Variants in TSHR observed in about 807,000 individuals in gnomAD.
TSHR encodes thyrotropin receptor.
A neutral mutation model predicts 64.1 loss-of-function variants in TSHR; 51 were observed. The observed-to-expected ratio is 0.80, with a 90% CI of 0.64 to 1.01. The LOEUF (loss-of-function observed/expected upper bound fraction) is 1.01, where lower values mean the gene tolerates loss of function less well. Among genes scored for constraint, TSHR ranks in the 50% least tolerant of loss-of-function variants. TSHR has a pLI of 0.00. For missense variants in TSHR, 877 were observed against 942.8 expected (o/e 0.93, Z 0.91); for synonymous variants, 361 against 361.9 (o/e 1.00, Z 0.03).
chr14:81,055,251 G>A (rs1427874081), intron 1 of TSHR, among the ~76,000 whole-genome samples: 1 of 152,162 alleles, frequency 6.6e-6, no homozygotes, highest in Non-Finnish European at 1.5e-5. Flanking sequence ...ATTGAGGTTT[G>A]GGAACCTCCT....
In TSHR at chr14:80,967,283, A is replaced by T. The variant is rs1034991859; in HGVS notation, c.170+11433A>T. ...CACACACAAGCAAGACCTGACTTACATTTTTTTTTTTTTTTTTTTTGAGAC... is the reference window on the plus strand; with the variant it reads ...CACACACAAGCAAGACCTGACTTACTTTTTTTTTTTTTTTTTTTTTGAGAC... On this transcript the variant is annotated intron_variant, in intron 1 of 9. Transcript: ENST00000298171. 3.7e-4 allele frequency among the ~76,000 whole-genome samples: 41 copies of T among 111,882 alleles called. 1 individual carries two copies. Among genetic ancestry groups the T allele is most frequent in the African/African-American group, 1.2e-3 (39 of 31,942 alleles). 73.4% of individuals were successfully genotyped at this position (111,882 alleles called of 152,430 possible).
At chr14:81,004,370 T>G (rs190153697) in intron 1 of TSHR, among the ~76,000 whole-genome samples, 1 of 152,210 alleles carries the variant, frequency 6.6e-6, no homozygotes, top group South Asian at 2.1e-4. Flanking sequence ...TTCTTAGACA[T>G]GTACTATACA....
At chr14:81,092,717 T>G in intron 6 of TSHR, 109 bp downstream of exon 6, 3 of 980,300 alleles carry the variant, frequency 3.1e-6, no homozygotes, top group Non-Finnish European at 4.9e-6. Flanking sequence ...ATATACTCTA[T>G]AGAGTACAAA....
At chr14:81,133,241 A>T (rs1891322834) in intron 8 of TSHR, among the ~76,000 whole-genome samples, 1 of 152,202 alleles carries the variant, frequency 6.6e-6, no homozygotes, top group Non-Finnish European at 1.5e-5. Flanking sequence ...CTATTTATAC[A>T]TCCACAAGAA....
chr14:80,993,796 A>C (rs1003377308), intron 1 of TSHR: 2 of 152,000 alleles, frequency 1.3e-5, no homozygotes, highest in Admixed American at 6.6e-5. Context: ...TCTACATATC[A>C]ATCTTAATTT....
chr14:81,136,736 C>T (rs921302100), intron 8 of TSHR, among the ~76,000 whole-genome samples: 8 of 152,234 alleles, frequency 5.3e-5, no homozygotes, highest in African/African-American at 1.4e-4. Context: ...CAAGCACCCA[C>T]ATTTCCCAAC....
chr14:81,106,532 A>T (rs35846162), intron 7 of TSHR, among the ~76,000 whole-genome samples: 41 of 152,368 alleles, frequency 2.7e-4, no homozygotes, highest in African/African-American at 9.1e-4. Flanking sequence ...AATAAAGTAA[A>T]CAAATAAATA....
chr14:81,053,635 A>G (rs1018119063), intron 1 of TSHR: 1 of 152,196 alleles, frequency 6.6e-6, no homozygotes, highest in African/African-American at 2.4e-5. Flanking sequence ...ACATGTTACA[A>G]TCACTTTGGA....
At chr14:81,078,117 C>T (rs555164137) in intron 3 of TSHR, among the ~76,000 whole-genome samples, 2 of 151,432 alleles carry the variant, frequency 1.3e-5, no homozygotes, top group Admixed American at 6.6e-5. Context: ...CATTTATATA[C>T]GTTCAACATA....
intron 1 of TSHR, among the ~76,000 whole-genome samples, chr14:80,998,559 T>G: frequency 6.6e-6 from 1 of 151,900 alleles, no homozygotes; most frequent in Non-Finnish European, 1.5e-5. Flanking sequence ...CTAGAGAATT[T>G]TAAATGATTT....
intron 1 of TSHR, among the ~76,000 whole-genome samples, chr14:81,055,409 C>G (rs375101626): frequency 2.0e-5 from 3 of 152,334 alleles, no homozygotes; most frequent in South Asian, 2.1e-4. Context: ...CACTGAGGTA[C>G]TGCCTAGTGG....
chr14:81,036,457 G>T (rs1338172826), intron 1 of TSHR, among the ~76,000 whole-genome samples: 3 of 152,116 alleles, frequency 2.0e-5, no homozygotes, highest in Admixed American at 1.3e-4. Flanking sequence ...GAGGTGAGGT[G>T]GGGGTGCGGG....
chr14:81,083,219 G>A (rs527871131), intron 3 of TSHR, among the ~76,000 whole-genome samples: 1 of 152,150 alleles, frequency 6.6e-6, no homozygotes, highest in East Asian at 1.9e-4. Flanking sequence ...CCTGTGCTAC[G>A]CTTTTATTGA....
chr14:80,982,580 G>A lies in TSHR; in HGVS notation c.170+26730G>A, dbSNP rs113950370. Reference sequence around the variant, plus strand: ...CCTCAATCTGTGAGTAGGATAGTTAGATCTCAGCCTGTGGATGAAATTAAT... The same window carrying A: ...CCTCAATCTGTGAGTAGGATAGTTAAATCTCAGCCTGTGGATGAAATTAAT... On this transcript the variant is annotated intron_variant, in intron 1 of 9. Coordinates refer to ENST00000298171, the MANE Select transcript of TSHR (RefSeq NM_000369.5). The A allele has an allele frequency of 8.1e-5, 80 of 992,046 alleles. 1 individual carries two copies. The African/African-American group carries it at 1.0e-3, about 13-fold the overall frequency. 61.5% of individuals were successfully genotyped at this position (992,046 alleles called of 1,614,324 possible).
chr14:81,075,945 C>G (rs1028137779), intron 3 of TSHR, among the ~76,000 whole-genome samples: 1 of 152,036 alleles, frequency 6.6e-6, no homozygotes, highest in Non-Finnish European at 1.5e-5. Flanking sequence ...CACATATACA[C>G]CATGGGATAC....
chr14:81,026,707 T>C (rs2139812639), intron 1 of TSHR, among the ~76,000 whole-genome samples: 1 of 151,916 alleles, frequency 6.6e-6, no homozygotes, highest in Non-Finnish European at 1.5e-5. Flanking sequence ...GATCTTGGGA[T>C]AGAAGTAAAA....
chr14:81,105,311 A>C (rs1397821464), intron 7 of TSHR: 7 of 871,688 alleles, frequency 8.0e-6, no homozygotes, highest in Non-Finnish European at 9.6e-6. Context: ...CTGTATATGT[A>C]TTTCCCCTCC....
chr14:81,039,481 A>G (rs1423137933), intron 1 of TSHR, among the ~76,000 whole-genome samples: 2 of 151,932 alleles, frequency 1.3e-5, no homozygotes, highest in Non-Finnish European at 2.9e-5. Flanking sequence ...GCAATTAGGA[A>G]AGAGAAAGAA....
intron 1 of TSHR, among the ~76,000 whole-genome samples, chr14:81,034,949 T>G (rs1284215404): frequency 6.6e-6 from 1 of 152,152 alleles, no homozygotes; most frequent in Non-Finnish European, 1.5e-5. Context: ...ATAAAAATGT[T>G]AAATAAAGTT....
Sources: allele counts gnomAD v4.1 joint callset (sites outside exome capture counted in the v4.1 genomes callset), GRCh38; gene constraint gnomAD v4.1.1; transcripts MANE v1.5; gene names NCBI Gene and HGNC (gene_info 2026-07-23, HGNC 2026-07-21).